PRKCQ: variants seen among roughly 807,000 people sequenced by gnomAD.
The protein encoded by PRKCQ is protein kinase C theta, also known as protein kinase C theta type.
Under a neutral mutation model 91.2 loss-of-function variants are expected in PRKCQ, and 41 were observed. The observed-to-expected ratio is 0.45, with a 90% confidence interval of 0.35 to 0.58. The LOEUF is 0.58. PRKCQ is among the 20% of genes least tolerant of loss of function. The probability of loss-of-function intolerance (pLI) is 0.00; values close to 1 mark genes in which losing one functional copy is unlikely to be tolerated. For missense variants in PRKCQ, 673 were observed against 896.5 expected (o/e 0.75, Z 3.18); for synonymous variants, 307 against 316.9 (o/e 0.97, Z 0.33).
At position 6,533,720 on chromosome 10, in the gene PRKCQ, A is replaced by G. The variant is rs769739678; in HGVS notation, c.-9-18576T>C. Among the ~76,000 whole-genome samples, 160 of 152,232 alleles carry G rather than the reference A, an allele frequency of 1.1e-3. 2 individuals carry two copies. Among genetic ancestry groups the G allele is most frequent in the Non-Finnish European group, 2.2e-4 (15 of 68,042 alleles). On this transcript the variant is annotated intron_variant, in intron 1 of 17. Transcript: ENST00000263125. The stretch of plus-strand genomic sequence containing the variant: ...CCGGAACAAAACAGAATGTCCAGAA[A>G]CAGATCCAATTACATATAAAAGTTT...
At chr10:6,411,409 T>C in the PRKCQ span, among the ~76,000 whole-genome samples, 165 of 152,230 alleles carry the variant, frequency 1.1e-3, no homozygotes, top group Non-Finnish European at 1.9e-3. Context: ...AACATCACTC[T>C]AGCCTCAGAA....
Position 6,427,917 on chromosome 10 carries a change from C to A in PRKCQ, c.*290G>T. Reference sequence around the variant, plus strand: ...TTTATTGCAGTATCAAGTCTTGAAACCTTTCCAAGTGCGGAGACCCATCTT... The same window carrying A: ...TTTATTGCAGTATCAAGTCTTGAAAACTTTCCAAGTGCGGAGACCCATCTT... On this transcript the variant is annotated 3_prime_UTR_variant, in exon 18 of 18. Transcript: ENST00000263125. 2.8e-6 allele frequency: 1 copy of A among 358,308 alleles called. No individual in the cohort carries two copies. The highest frequency in any genetic ancestry group is 2.9e-5 in the South Asian group (1 of 34,918). 22.2% of individuals were successfully genotyped at this position (358,308 alleles called of 1,614,324 possible).
At chr10:6,550,842 C>G (rs1379009888) in intron 1 of PRKCQ, among the ~76,000 whole-genome samples, 1 of 152,176 alleles carries the variant, frequency 6.6e-6, no homozygotes, top group Admixed American at 6.5e-5. Flanking sequence ...TGCAAAAAGG[C>G]TCCAACTCTC....
At chr10:6,574,243 G>T (rs1160211224) in intron 1 of PRKCQ, among the ~76,000 whole-genome samples, 1 of 152,202 alleles carries the variant, frequency 6.6e-6, no homozygotes, top group South Asian at 2.1e-4. Context: ...AGTGCAAGCC[G>T]AGTGCTGTGA....
chr10:6,498,807 C>T (rs988140882), intron 4 of PRKCQ, among the ~76,000 whole-genome samples: 3 of 152,084 alleles, frequency 2.0e-5, no homozygotes, highest in African/African-American at 7.2e-5. Context: ...TGGCTCAATC[C>T]TTCGCTCCTC....
intron 1 of PRKCQ, among the ~76,000 whole-genome samples, chr10:6,527,225 T>C (rs945158013): frequency 1.3e-5 from 2 of 152,232 alleles, no homozygotes; most frequent in Non-Finnish European, 2.9e-5. Context: ...GATGTAAAAG[T>C]TGTATTTTCA....
At chr10:6,431,072 C>T (rs1408290187) in intron 16 of PRKCQ, 134 bp from the exon 17 acceptor site, 1 of 1,181,766 alleles carries the variant, frequency 8.5e-7, no homozygotes, top group Non-Finnish European at 1.1e-6. Flanking sequence ...TCAGGACTGA[C>T]TAAAGTCAAC....
intron 12 of PRKCQ, among the ~76,000 whole-genome samples, chr10:6,467,385 CAGACAGAG>C (rs1277767826): frequency 0.027 from 1,043 of 39,308 alleles, 35 homozygotes; most frequent in Admixed American, 0.04. Flanking sequence ...CAGAGAGAGA[CAGACAGAG>C]AGAGAGAGAG....
intron 1 of PRKCQ, among the ~76,000 whole-genome samples, chr10:6,520,781 G>A (rs758596852): frequency 1.3e-5 from 2 of 152,108 alleles, no homozygotes; most frequent in African/African-American, 4.8e-5. Flanking sequence ...TCTACAGTCC[G>A]AGTGGGGTTG....
intron 8 of PRKCQ, among the ~76,000 whole-genome samples, chr10:6,488,566 T>A (rs1837063028): frequency 6.6e-6 from 1 of 152,092 alleles, no homozygotes. Flanking sequence ...TTGTTTTTAG[T>A]AGAGACAGGG....
chr10:6,455,564 T>C (rs1298765699), intron 15 of PRKCQ, among the ~76,000 whole-genome samples: 1 of 152,204 alleles, frequency 6.6e-6, no homozygotes, highest in East Asian at 1.9e-4. Flanking sequence ...CAAACAACCA[T>C]CTCCAATCAC....
intron 12 of PRKCQ, among the ~76,000 whole-genome samples, chr10:6,472,531 T>C (rs1282364687): frequency 1.3e-5 from 2 of 152,198 alleles, no homozygotes; most frequent in Non-Finnish European, 2.9e-5. Context: ...ATTTAAAAGG[T>C]GTTAGAATTC....
chr10:6,459,028 C>T (rs1047494736), intron 14 of PRKCQ, among the ~76,000 whole-genome samples: 2 of 152,166 alleles, frequency 1.3e-5, no homozygotes, highest in East Asian at 1.9e-4. Flanking sequence ...TCATGCTTTT[C>T]ATCGACCAAC....
In PRKCQ at chr10:6,453,142, C is replaced by T. The variant is rs964609357; in HGVS notation, c.1647+3532G>A. On this transcript the variant is annotated intron_variant, in intron 15 of 17. Coordinates refer to ENST00000263125, the MANE Select transcript of PRKCQ (RefSeq NM_006257.5). ...ACCATCAGAGTGAACAGGCAACCTACAAAATGGGAGAAAATTTTCGCAACC... is the reference window on the plus strand; with the variant it reads ...ACCATCAGAGTGAACAGGCAACCTATAAAATGGGAGAAAATTTTCGCAACC... 2.3e-4 allele frequency among the ~76,000 whole-genome samples: 35 copies of T among 150,334 alleles called. No individual in the cohort carries two copies. The East Asian group carries it at 4.7e-3, about 20-fold the overall frequency.
At chr10:6,457,958 T>C (rs540262096) in intron 14 of PRKCQ, among the ~76,000 whole-genome samples, 17 of 151,892 alleles carry the variant, frequency 1.1e-4, no homozygotes, top group African/African-American at 2.2e-4. Context: ...TTTTTTTTTT[T>C]CCCCTGAGAC....
chr10:6,463,031 A>G (rs1835448087), intron 13 of PRKCQ, among the ~76,000 whole-genome samples: 1 of 151,964 alleles, frequency 6.6e-6, no homozygotes. Flanking sequence ...GTAATAGTAT[A>G]GATAATAGGC....
At chr10:6,439,560 T>C (rs1833866590) in intron 16 of PRKCQ, among the ~76,000 whole-genome samples, 1 of 152,148 alleles carries the variant, frequency 6.6e-6, no homozygotes, top group African/African-American at 2.4e-5. Flanking sequence ...CTGCCACTCC[T>C]AAGACAGCAA....
chr10:6,491,646 T>C (rs1340960020), intron 8 of PRKCQ, 37 bp downstream of exon 8: 1 of 1,610,210 alleles, frequency 6.2e-7, no homozygotes, highest in South Asian at 1.1e-5. Context: ...CCCTAGGGGG[T>C]CCACGTCGGG....
rs1329363711 is a variant in PRKCQ at position 6,485,240 on chromosome 10, G to T, written c.930C>A (p.Ile310=). 1.2e-6 allele frequency: 2 copies of T among 1,614,034 alleles called. No homozygotes were observed. The highest frequency in any genetic ancestry group is 1.1e-5 in the South Asian group (1 of 91,066). The stretch of plus-strand genomic sequence containing the variant: ...CAATTTCAACCGGACCTTCTCTGAA[G>T]ATCTGTTCAGTATCTCTTAAGCAGC... ...QARCLRDTEQ[I]FREGPVEIGL... The change falls in exon 10 of 18, where the codon ATC becomes ATA. Residue 310 remains isoleucine, a synonymous_variant. Coordinates refer to ENST00000263125, the MANE Select transcript of PRKCQ (RefSeq NM_006257.5).
Sources: allele counts gnomAD v4.1 joint callset (sites outside exome capture counted in the v4.1 genomes callset), GRCh38; gene constraint gnomAD v4.1.1; transcripts MANE v1.5; gene names NCBI Gene and HGNC (gene_info 2026-07-23, HGNC 2026-07-21).